The following ST3GAL1 variants were observed in gnomAD, a reference collection of about 807,000 sequenced individuals.
The protein encoded by ST3GAL1 is CMP-N-acetylneuraminate-beta-galactosamide-alpha-2,3-sialyltransferase 1.
In ST3GAL1, 16 loss-of-function variants were observed where a neutral mutation model predicts 34.1. The ratio of observed to expected loss-of-function variants is 0.47; its 90% CI spans 0.32 to 0.71. The LOEUF (loss-of-function observed/expected upper bound fraction) is 0.71, where lower values mean the gene tolerates loss of function less well. Among genes scored for constraint, ST3GAL1 ranks in the 30% least tolerant of loss-of-function variants. The pLI, the probability that ST3GAL1 is intolerant of heterozygous loss-of-function variation, is 0.04. For synonymous variants in ST3GAL1, 191 were observed against 184.7 expected (o/e 1.03, Z -0.28); for missense variants, 353 against 447.4 (o/e 0.79, Z 1.90).
chr8:133,503,907 G>T (rs755515638), intron 2 of ST3GAL1, among the ~76,000 whole-genome samples: 6 of 152,222 alleles, frequency 3.9e-5, no homozygotes, highest in Non-Finnish European at 7.3e-5. Context: ...AGAATCAAGT[G>T]CTGCTCTTTC....
intron 2 of ST3GAL1, among the ~76,000 whole-genome samples, chr8:133,500,365 G>A (rs1218986863): frequency 6.6e-6 from 1 of 152,162 alleles, no homozygotes; most frequent in African/African-American, 2.4e-5. Context: ...GGGCTGCCCT[G>A]CCTCTGACTC....
chr8:133,520,773 G>A (rs1436921219), intron 2 of ST3GAL1, among the ~76,000 whole-genome samples: 2 of 130,880 alleles, frequency 1.5e-5, no homozygotes, highest in African/African-American at 5.8e-5. Flanking sequence ...TTTTTTGTGG[G>A]TTTTTTTTTT....
chr8:133,527,578 G>T (rs1012314300), intron 2 of ST3GAL1, among the ~76,000 whole-genome samples: 1 of 152,152 alleles, frequency 6.6e-6, no homozygotes, highest in Non-Finnish European at 1.5e-5. Context: ...TGTGTAAAAT[G>T]AGGATAATGA....
chr8:133,497,887 G>C (rs1817017634), intron 3 of ST3GAL1, among the ~76,000 whole-genome samples: 1 of 152,106 alleles, frequency 6.6e-6, no homozygotes, highest in African/African-American at 2.4e-5. Flanking sequence ...TGGGGTATGG[G>C]AGCAAACACC....
At chr8:133,550,444 C>A (rs1290947718) in intron 1 of ST3GAL1, among the ~76,000 whole-genome samples, 1 of 152,198 alleles carries the variant, frequency 6.6e-6, no homozygotes, top group Non-Finnish European at 1.5e-5. Flanking sequence ...ATGAGGAAAC[C>A]AAGGCCCAGA....
chr8:133,536,348 A>T (rs1272306978), intron 2 of ST3GAL1, among the ~76,000 whole-genome samples: 1 of 152,220 alleles, frequency 6.6e-6, no homozygotes, highest in African/African-American at 2.4e-5. Context: ...CTTCAGGAAC[A>T]AAGATTATCT....
rs186919516 is a variant in ST3GAL1, at chr8:133,570,839, C to A, written c.-582+854G>T. On this transcript the variant is annotated intron_variant, in intron 1 of 9. Coordinates refer to ENST00000522652, the MANE Select transcript of ST3GAL1 (RefSeq NM_173344.3). This position sits in a 1 kb window ranked among gnomAD's most constrained non-coding sequence, Gnocchi z 5.6. ...GCGCTCCCAGAAGGGGTGGCCCTGC[C>A]CCCACGCAGGTCACACACACGAGAG... is the stretch of plus-strand genomic sequence containing the variant. 3.3e-5 allele frequency among the ~76,000 whole-genome samples: 5 copies of A among 152,352 alleles called. No individual in the cohort carries two copies. In the East Asian group the frequency reaches 9.7e-4, roughly 29 times the overall value.
At chr8:133,490,989 G>A (rs1199136079) in intron 3 of ST3GAL1, among the ~76,000 whole-genome samples, 1 of 152,118 alleles carries the variant, frequency 6.6e-6, no homozygotes, top group African/African-American at 2.4e-5. Context: ...CCAGCAGGTT[G>A]GGAGAACCCT....
chr8:133,568,033 G>T (rs1819457339), intron 1 of ST3GAL1, among the ~76,000 whole-genome samples: 2 of 151,506 alleles, frequency 1.3e-5, no homozygotes, highest in African/African-American at 4.8e-5. Flanking sequence ...TGATTCTCCT[G>T]CCTCAGCCTC....
intron 9 of ST3GAL1, 111 bp from the exon 10 acceptor site, chr8:133,460,048 T>C: frequency 8.5e-7 from 1 of 1,174,412 alleles, no homozygotes; most frequent in Non-Finnish European, 1.2e-6. Flanking sequence ...AAACAGCATT[T>C]CCAAGGACTC....
chr8:133,502,419 G>T lies in ST3GAL1; in HGVS notation c.-428-3230C>A, dbSNP rs187979898. Among the ~76,000 whole-genome samples, 517 of 115,554 alleles carry T rather than the reference G, an allele frequency of 4.5e-3. 3 individuals are homozygous for T. Among genetic ancestry groups the T allele is most frequent in the South Asian group, 0.022 (63 of 2,920 alleles). 75.8% of individuals were successfully genotyped at this position (115,554 alleles called of 152,430 possible). On this transcript the variant is annotated intron_variant, in intron 2 of 9. Coordinates refer to ENST00000522652, the MANE Select transcript of ST3GAL1 (RefSeq NM_173344.3). ...GGGGCCCTAATCTGCTAGAATTGAT[G>T]TCCTTATAAAAAAAAAAAAAAGAGG...
intron 2 of ST3GAL1, among the ~76,000 whole-genome samples, chr8:133,523,172 C>T (rs774434178): frequency 1.1e-4 from 16 of 152,156 alleles, no homozygotes; most frequent in Non-Finnish European, 2.2e-4. Flanking sequence ...AGTTGCGTGG[C>T]TTCTGGGAGC....
chr8:133,569,443 AT>A (rs1819502302), intron 1 of ST3GAL1, among the ~76,000 whole-genome samples: 1 of 152,200 alleles, frequency 6.6e-6, no homozygotes, highest in South Asian at 2.1e-4. Flanking sequence ...ACTCGCAATT[AT>A]GCAGAACGTA....
At chr8:133,541,278 A>C (rs2131067258) in intron 2 of ST3GAL1, among the ~76,000 whole-genome samples, 1 of 151,862 alleles carries the variant, frequency 6.6e-6, no homozygotes, top group African/African-American at 2.4e-5. Flanking sequence ...TATCTGGTGC[A>C]CATTCTGCAT....
At chr8:133,505,645 C>T (rs1007520647) in intron 2 of ST3GAL1, among the ~76,000 whole-genome samples, 5 of 151,868 alleles carry the variant, frequency 3.3e-5, no homozygotes, top group Admixed American at 3.3e-4. Context: ...TCTTGTCGCC[C>T]AGGGTGGAGT....
rs541460752 is a variant in ST3GAL1, at chr8:133,464,200, T to C, written c.683+578A>G. ...CTTGGCCGAGCTCCAGAGTCCTCAC[T>C]GGGAGGAGCTAATGATAATGGCTAT... On this transcript the variant is annotated intron_variant, in intron 7 of 9. Coordinates refer to ENST00000522652, the MANE Select transcript of ST3GAL1 (RefSeq NM_173344.3). Among the ~76,000 whole-genome samples, 7 of 152,274 alleles carry C rather than the reference T, an allele frequency of 4.6e-5. No individual in the cohort carries two copies. In the East Asian group the frequency reaches 1.4e-3, roughly 29 times the overall value.
intron 1 of ST3GAL1, among the ~76,000 whole-genome samples, chr8:133,569,092 C>A (rs1036852227): frequency 2.0e-5 from 3 of 152,216 alleles, no homozygotes; most frequent in Non-Finnish European, 2.9e-5. Flanking sequence ...CTTCTAGCAA[C>A]GCTTCCTGTT....
At chr8:133,478,234 A>G (rs529358779) in intron 3 of ST3GAL1, among the ~76,000 whole-genome samples, 1 of 152,252 alleles carries the variant, frequency 6.6e-6, no homozygotes, top group Non-Finnish European at 1.5e-5. Flanking sequence ...CATCACAGAT[A>G]GGCTCACAAT....
chr8:133,489,554 TC>T (rs1186844698), intron 3 of ST3GAL1: 2 of 152,344 alleles, frequency 1.3e-5, no homozygotes, highest in African/African-American at 4.8e-5. Flanking sequence ...GGAGATTTCA[TC>T]CTCAGGCTCA....
Sources: allele counts gnomAD v4.1 joint callset (sites outside exome capture counted in the v4.1 genomes callset), GRCh38; gene constraint gnomAD v4.1.1; non-coding constraint Gnocchi (gnomAD v3.1); transcripts MANE v1.5; gene names NCBI Gene and HGNC (gene_info 2026-07-23, HGNC 2026-07-21).